Variants in SV2C observed in about 807,000 individuals in gnomAD.
The protein encoded by SV2C is solute carrier family 22 member B3.
Under a neutral mutation model 79.7 loss-of-function variants are expected in SV2C, and 49 were observed. The ratio of observed to expected loss-of-function variants is 0.61; its 90% CI spans 0.49 to 0.78. The LOEUF (loss-of-function observed/expected upper bound fraction) is 0.78. Among genes scored for constraint, SV2C ranks in the 30% least tolerant of loss-of-function variants. The pLI, the probability that SV2C is intolerant of heterozygous loss-of-function variation, is 0.00. For synonymous variants in SV2C, 334 were observed against 333.2 expected (o/e 1.00, Z -0.03); for missense variants, 833 against 912.9 (o/e 0.91, Z 1.13).
the SV2C span, among the ~76,000 whole-genome samples, chr5:76,022,684 T>C: frequency 2.0e-5 from 3 of 152,208 alleles, no homozygotes; most frequent in African/African-American, 7.2e-5. Context: ...GTAAGCTTTT[T>C]GGTTTTGTTG....
chr5:76,082,391 G>C (rs1223341895), upstream of SV2C: 1 of 152,120 alleles, frequency 6.6e-6, no homozygotes, highest in Non-Finnish European at 1.5e-5. Flanking sequence ...CTCGAGTTGG[G>C]GTCTCCTGCA....
intron 4 of SV2C, among the ~76,000 whole-genome samples, chr5:76,275,653 C>T (rs1561294658): frequency 6.6e-6 from 1 of 152,174 alleles, no homozygotes; most frequent in Non-Finnish European, 1.5e-5. Context: ...AGGTTTCAGA[C>T]AGTCAGGCAA....
intron 12 of SV2C, among the ~76,000 whole-genome samples, chr5:76,346,399 A>G (rs751754719): frequency 6.6e-6 from 1 of 152,200 alleles, no homozygotes; most frequent in Non-Finnish European, 1.5e-5. Flanking sequence ...GAGCCAGTAC[A>G]ACACACTCCA....
At chr5:76,133,079 T>C (rs1748954628) in intron 2 of SV2C, among the ~76,000 whole-genome samples, 1 of 152,202 alleles carries the variant, frequency 6.6e-6, no homozygotes, top group African/African-American at 2.4e-5. Context: ...TTTATATTTT[T>C]ACAAAGCTAT....
At chr5:75,974,661 A>C in the SV2C span, among the ~76,000 whole-genome samples, 1 of 152,138 alleles carries the variant, frequency 6.6e-6, no homozygotes, top group Admixed American at 6.6e-5. Context: ...CTGTGCTTTC[A>C]CCTTTTTAAG....
rs1163504215 is a variant in SV2C at position 76,332,454 on chromosome 5, C to CT, written c.*6908dup. 1 of 152,026 alleles carries CT rather than the reference C, an allele frequency of 6.6e-6. No individual in the cohort carries two copies. Among genetic ancestry groups the CT allele is most frequent in the Non-Finnish European group, 1.5e-5 (1 of 68,014 alleles). The allele number at this position is 152,026 out of a possible 1,614,324, so 9.4% of individuals were successfully genotyped here. The stretch of plus-strand genomic sequence containing the variant: ...TTTGAGAGTCAGTTGAGAAACATAG[C>CT]TATTACTAAAAAATTAAATAAGATT... On this transcript the variant is annotated 3_prime_UTR_variant, in exon 13 of 13. Coordinates refer to ENST00000502798, the MANE Select transcript of SV2C (RefSeq NM_014979.4).
At chr5:75,861,694 C>A in the SV2C span, among the ~76,000 whole-genome samples, 2 of 152,146 alleles carry the variant, frequency 1.3e-5, no homozygotes, top group African/African-American at 4.8e-5. Flanking sequence ...ATGCCATTAT[C>A]CTAAGTGAAT....
chr5:75,876,984 CA>C, the SV2C span, among the ~76,000 whole-genome samples: 86 of 151,902 alleles, frequency 5.7e-4, no homozygotes, highest in Non-Finnish European at 4.0e-4. Context: ...TTATATCACC[CA>C]ATCAAAAGGC....
At chr5:75,931,223 C>G in the SV2C span, among the ~76,000 whole-genome samples, 1 of 152,216 alleles carries the variant, frequency 6.6e-6, no homozygotes, top group Non-Finnish European at 1.5e-5. Flanking sequence ...CTAGGAGCTT[C>G]AATTCTGCAG....
At chr5:76,061,333 T>C in the SV2C span, among the ~76,000 whole-genome samples, 2 of 148,130 alleles carry the variant, frequency 1.4e-5, no homozygotes, top group Non-Finnish European at 3.0e-5. Context: ...AAGTGCAATT[T>C]AAGAAACAAA....
the SV2C span, chr5:75,921,556 G>C: frequency 1.2e-6 from 1 of 867,608 alleles, no homozygotes; most frequent in Non-Finnish European, 2.0e-6. Context: ...TGGTCTTGGG[G>C]TTTGTGTCAT....
the SV2C span, among the ~76,000 whole-genome samples, chr5:76,041,623 C>A: frequency 7.9e-5 from 12 of 152,138 alleles, no homozygotes; most frequent in African/African-American, 2.9e-4. Flanking sequence ...GGCTGGTAGA[C>A]CCCTCATCTT....
At chr5:75,910,616 G>T in the SV2C span, 4 of 806,652 alleles carry the variant, frequency 5.0e-6, no homozygotes, top group Middle Eastern at 5.2e-4. Context: ...AAAACTTGTG[G>T]ATTATGATGG....
the SV2C span, among the ~76,000 whole-genome samples, chr5:76,077,338 A>G: frequency 6.6e-6 from 1 of 152,242 alleles, no homozygotes; most frequent in Non-Finnish European, 1.5e-5. Flanking sequence ...CTTCATCCAT[A>G]GTAAATTCTG....
chr5:75,937,001 G>A, the SV2C span, among the ~76,000 whole-genome samples: 1 of 152,144 alleles, frequency 6.6e-6, no homozygotes, highest in Non-Finnish European at 1.5e-5. Flanking sequence ...CAGTTGTCTC[G>A]TGATCTTTAG....
At chr5:76,204,576 C>T (rs1484125805) in intron 3 of SV2C, among the ~76,000 whole-genome samples, 3 of 152,092 alleles carry the variant, frequency 2.0e-5, no homozygotes, top group Non-Finnish European at 2.9e-5. Context: ...ATGAATTATT[C>T]TTTGTTACAT....
the SV2C span, chr5:75,921,374 T>C: frequency 2.2e-6 from 2 of 904,772 alleles, no homozygotes; most frequent in Non-Finnish European, 1.9e-6. Context: ...GGGGTGCTGG[T>C]AGGTGTCCTG....
intron 4 of SV2C, among the ~76,000 whole-genome samples, chr5:76,267,287 G>T (rs1026158002): frequency 2.0e-5 from 3 of 152,162 alleles, no homozygotes; most frequent in African/African-American, 7.2e-5. Flanking sequence ...GTGGGTACCG[G>T]AAAATATTTG....
the SV2C span, among the ~76,000 whole-genome samples, chr5:75,919,670 A>G: frequency 2.0e-5 from 3 of 152,180 alleles, no homozygotes; most frequent in African/African-American, 7.2e-5. Flanking sequence ...CTTAAACCAG[A>G]CTTTGAAATG....
Sources: allele counts gnomAD v4.1 joint callset (sites outside exome capture counted in the v4.1 genomes callset), GRCh38; gene constraint gnomAD v4.1.1; transcripts MANE v1.5; gene names NCBI Gene and HGNC (gene_info 2026-07-23, HGNC 2026-07-21).